GSE1: variants seen among roughly 807,000 people sequenced by gnomAD.
The protein encoded by GSE1 is Gse1 coiled-coil protein, also known as genetic suppressor element 1.
Under a neutral mutation model 112.6 loss-of-function variants are expected in GSE1, and 32 were observed. That is an observed-to-expected ratio of 0.28 (90% CI 0.21 to 0.38). The LOEUF is 0.38. Among genes scored for constraint, GSE1 ranks in the 10% least tolerant of loss-of-function variants. The probability of loss-of-function intolerance (pLI) is 1.00; values close to 1 mark genes in which losing one functional copy is unlikely to be tolerated. For synonymous variants in GSE1, 1,115 were observed against 735.6 expected (o/e 1.52, Z -8.35); for missense variants, 2,348 against 1,699.2 (o/e 1.38, Z -6.71).
At chr16:85,660,226 G>A (rs1184178754) in intron 8 of GSE1, among the ~76,000 whole-genome samples, 1 of 152,222 alleles carries the variant, frequency 6.6e-6, no homozygotes, top group African/African-American at 2.4e-5. Flanking sequence ...CACGCAAGCA[G>A]GTGGGAAAAT....
At chr16:85,340,165 C>T (rs1279399408) in intron 1 of GSE1, among the ~76,000 whole-genome samples, 1 of 151,968 alleles carries the variant, frequency 6.6e-6, no homozygotes, top group African/African-American at 2.4e-5. Context: ...CTGGGCAACA[C>T]AGTGAGACCC....
intron 1 of GSE1, among the ~76,000 whole-genome samples, chr16:85,585,704 T>A (rs1426224453): frequency 6.6e-6 from 1 of 152,184 alleles, no homozygotes; most frequent in Non-Finnish European, 1.5e-5. Context: ...TGCCGTCCCT[T>A]CTCTGGGCCT....
intron 1 of GSE1, among the ~76,000 whole-genome samples, chr16:85,626,031 C>T (rs920803564): frequency 6.6e-6 from 1 of 152,134 alleles, no homozygotes; most frequent in Non-Finnish European, 1.5e-5. Context: ...AAGGGCTGTC[C>T]TTTGCCTTAG....
At chr16:85,357,390 C>A in intron 1 of GSE1, 1 of 979,846 alleles carries the variant, frequency 1.0e-6, no homozygotes, top group Non-Finnish European at 1.3e-6. Context: ...CACCTATGGC[C>A]AGAGAGTCCA....
At chr16:85,664,617 T>C (rs2052687031) in intron 11 of GSE1, 1 of 167,094 alleles carries the variant, frequency 6.0e-6, no homozygotes, top group Non-Finnish European at 1.3e-5. Flanking sequence ...GCAGTAATGG[T>C]AGGAGTGGGG....
At chr16:85,342,639 C>A (rs1044158211) in intron 1 of GSE1, among the ~76,000 whole-genome samples, 1 of 152,148 alleles carries the variant, frequency 6.6e-6, no homozygotes. Flanking sequence ...CGCACCAGGG[C>A]GAGAGTCTGT....
chr16:85,251,443 G>A (rs1906470216), intron 1 of GSE1, among the ~76,000 whole-genome samples: 2 of 152,274 alleles, frequency 1.3e-5, no homozygotes, highest in African/African-American at 4.8e-5. Context: ...CTGCAGCACA[G>A]TCCTGTTCTC....
intron 1 of GSE1, among the ~76,000 whole-genome samples, chr16:85,339,069 C>G (rs889549456): frequency 8.5e-5 from 13 of 152,276 alleles, no homozygotes; most frequent in African/African-American, 3.1e-4. Context: ...CAGGTGGATG[C>G]CCCCAACCCT....
intron 2 of GSE1, among the ~76,000 whole-genome samples, chr16:85,477,521 GTGGT>G (rs2050495726): frequency 6.6e-6 from 1 of 151,388 alleles, no homozygotes; most frequent in South Asian, 2.1e-4. Context: ...TGGGCTCTCG[GTGGT>G]CACTTTCCAG....
chr16:85,509,440 GAGGCCA>G (rs1298250092), intron 2 of GSE1, among the ~76,000 whole-genome samples: 3 of 152,212 alleles, frequency 2.0e-5, no homozygotes, highest in African/African-American at 4.8e-5. Context: ...CAGATACGAG[GAGGCCA>G]AGGCCAAGGC....
chr16:85,217,665 A>G (rs1230334196), intron 1 of GSE1, among the ~76,000 whole-genome samples: 1 of 152,152 alleles, frequency 6.6e-6, no homozygotes, highest in Non-Finnish European at 1.5e-5. Context: ...TGTGGGAGGA[A>G]GTGCTCAGTG....
chr16:85,476,212 G>A (rs533985473), intron 2 of GSE1, among the ~76,000 whole-genome samples: 2 of 152,206 alleles, frequency 1.3e-5, no homozygotes, highest in Non-Finnish European at 2.9e-5. Context: ...GATTACAGGC[G>A]TCAGCCACCG....
In GSE1 at chr16:85,633,968, G is replaced by A; in HGVS notation, c.62G>A (p.Arg21Lys). ...PSLGMLSTAT[R>K]TTATVNPLTP... Reference sequence around the variant, plus strand: ...CTAGGGATGCTTTCCACCGCGACCAGGACCACCGCCACCGTCAACCCCCTC... The same window carrying A: ...CTAGGGATGCTTTCCACCGCGACCAAGACCACCGCCACCGTCAACCCCCTC... Residue 21 changes from arginine (R) to lysine (K), a missense_variant, in exon 2 of 16, where the codon AGG (arginine) becomes AAG (lysine). By Grantham distance (26) the Arg-to-Lys change is conservative. Transcript: ENST00000253458. 6.2e-7 allele frequency: 1 copy of A among 1,613,116 alleles called. No homozygotes were observed. The highest frequency in any genetic ancestry group is 8.5e-7 in the Non-Finnish European group (1 of 1,179,738).
intron 3 of GSE1, among the ~76,000 whole-genome samples, chr16:85,649,341 G>C (rs182167657): frequency 6.6e-6 from 1 of 152,176 alleles, no homozygotes; most frequent in African/African-American, 2.4e-5. Flanking sequence ...CTGAGCACCC[G>C]GCACACTAGC....
At chr16:85,432,520 CGCTTT>C (rs1332629634) in intron 2 of GSE1, among the ~76,000 whole-genome samples, 1 of 152,248 alleles carries the variant, frequency 6.6e-6, no homozygotes, top group African/African-American at 2.4e-5. Context: ...GTTCTTTCCA[CGCTTT>C]GCTTGCGTGT....
chr16:85,276,093 C>T (rs548235461), intron 1 of GSE1, among the ~76,000 whole-genome samples: 2 of 152,246 alleles, frequency 1.3e-5, no homozygotes, highest in Non-Finnish European at 2.9e-5. Flanking sequence ...GGGTTTGCCT[C>T]CCCACTTTAC....
chr16:85,581,624 G>A lies in GSE1; in HGVS notation c.37+25261G>A, dbSNP rs960925813. ...AGCATGCGTCTCTGTGCATGCGCATGTGCATATGTGTGCAGGGGACAGAGA... is the reference window on the plus strand; with the variant it reads ...AGCATGCGTCTCTGTGCATGCGCATATGCATATGTGTGCAGGGGACAGAGA... On this transcript the variant is annotated intron_variant, in intron 1 of 2. Transcript: ENST00000635906. Among the ~76,000 whole-genome samples, 7 of 152,172 alleles carry A rather than the reference G, an allele frequency of 4.6e-5. No individual in the cohort carries two copies. The East Asian group carries it at 7.7e-4, about 17-fold the overall frequency.
intron 2 of GSE1, among the ~76,000 whole-genome samples, chr16:85,401,743 C>T (rs780193641): frequency 4.6e-5 from 7 of 152,316 alleles, no homozygotes; most frequent in Non-Finnish European, 7.4e-5. Context: ...CACTGCACGC[C>T]GGTTACTGGG....
At chr16:85,465,962 CTG>C (rs1481527986) in intron 2 of GSE1, among the ~76,000 whole-genome samples, 2 of 152,242 alleles carry the variant, frequency 1.3e-5, no homozygotes, top group Non-Finnish European at 2.9e-5. Flanking sequence ...CGAAGTCAGT[CTG>C]TACTTTGGGA....
Sources: allele counts gnomAD v4.1 joint callset (sites outside exome capture counted in the v4.1 genomes callset), GRCh38; gene constraint gnomAD v4.1.1; transcripts MANE v1.5; gene names NCBI Gene and HGNC (gene_info 2026-07-23, HGNC 2026-07-21).